Variants in PHTF2 observed in about 807,000 individuals in gnomAD.
PHTF2 encodes protein PHTF2.
PHTF2 carries 60 observed loss-of-function variants against 101.2 expected under a neutral mutation model. That is an observed-to-expected ratio of 0.59 (90% CI 0.48 to 0.73). The LOEUF is 0.73. PHTF2 is among the 30% of genes least tolerant of loss of function. PHTF2 has a pLI of 0.00. For synonymous variants in PHTF2, 311 were observed against 307.3 expected (o/e 1.01, Z -0.13); for missense variants, 747 against 908.7 (o/e 0.82, Z 2.29).
intron 1 of PHTF2, among the ~76,000 whole-genome samples, chr7:77,819,669 A>C (rs961131190): frequency 4.6e-5 from 7 of 152,158 alleles, no homozygotes; most frequent in Admixed American, 3.9e-4. Context: ...GTGTATGTGC[A>C]TCGAATATAT....
chr7:77,910,316 A>G, exon 9 of PHTF2: 1 of 1,613,574 alleles, frequency 6.2e-7, no homozygotes, highest in Non-Finnish European at 8.5e-7. Context: ...GATAACACAC[A>G]AGAGGGAGCA....
chr7:77,897,390 A>G (rs986959005), intron 5 of PHTF2, among the ~76,000 whole-genome samples: 4 of 147,240 alleles, frequency 2.7e-5, no homozygotes, highest in African/African-American at 7.5e-5. Context: ...TCATTTCACT[A>G]TAGGAACATA....
intron 3 of PHTF2, among the ~76,000 whole-genome samples, chr7:77,877,685 T>C (rs1230307469): frequency 2.6e-5 from 4 of 152,150 alleles, no homozygotes. Context: ...ACCACCATGG[T>C]GTTCTGCTTC....
intron 1 of PHTF2, among the ~76,000 whole-genome samples, chr7:77,817,338 C>T (rs574333926): frequency 4.5e-4 from 68 of 152,244 alleles, no homozygotes; most frequent in African/African-American, 1.5e-3. Context: ...CGTTCTCACG[C>T]TGCTAATAAA....
chr7:77,915,979 C>CTGTGTGTGTGTGTG (rs34376513), intron 9 of PHTF2, among the ~76,000 whole-genome samples: 1 of 147,832 alleles, frequency 6.8e-6, no homozygotes, highest in South Asian at 2.2e-4. Context: ...ATTTGTGTGT[C>CTGTGTGTGTGTGTG]TGTGTGTGTG....
chr7:77,850,708 A>G (rs939990321), intron 2 of PHTF2, among the ~76,000 whole-genome samples: 1 of 152,076 alleles, frequency 6.6e-6, no homozygotes, highest in Non-Finnish European at 1.5e-5. Flanking sequence ...TTGGGGGGAA[A>G]AAAACAAAAT....
exon 20 of PHTF2, chr7:77,957,325 A>C (rs1028404356): frequency 1.3e-5 from 2 of 152,076 alleles, no homozygotes; most frequent in Non-Finnish European, 2.9e-5. Flanking sequence ...AGTGAAAATA[A>C]ATTTTTTATA....
chr7:77,904,705 CT>C (rs1223835267), intron 7 of PHTF2, among the ~76,000 whole-genome samples: 3 of 152,222 alleles, frequency 2.0e-5, no homozygotes, highest in Non-Finnish European at 4.4e-5. Context: ...AGTTTAAGGC[CT>C]TACACTTACG....
intron 3 of PHTF2, among the ~76,000 whole-genome samples, chr7:77,863,733 A>G (rs1409283387): frequency 5.3e-5 from 8 of 151,894 alleles, no homozygotes; most frequent in Non-Finnish European, 1.0e-4. Context: ...ATGTTTAAAT[A>G]ACATTTATGA....
chr7:77,811,530 A>G (rs907185732), intron 1 of PHTF2, among the ~76,000 whole-genome samples: 1 of 152,124 alleles, frequency 6.6e-6, no homozygotes, highest in Non-Finnish European at 1.5e-5. Flanking sequence ...TAATTTTGTA[A>G]TTTCTTTTAT....
intron 3 of PHTF2, among the ~76,000 whole-genome samples, chr7:77,858,968 T>A (rs926605324): frequency 6.6e-6 from 1 of 152,162 alleles, no homozygotes; most frequent in Non-Finnish European, 1.5e-5. Flanking sequence ...AATCAAGGTG[T>A]CAGCAAGGAT....
chr7:77,943,424 A>G lies in PHTF2; in HGVS notation c.1959+638A>G, dbSNP rs1365082164. Among the ~76,000 whole-genome samples, 4 of 151,940 alleles carry G rather than the reference A, an allele frequency of 2.6e-5. No homozygotes were observed. The East Asian group carries it at 7.8e-4, about 30-fold the overall frequency. ...TTACAGGCGTGAGCCACAGCGCCCG[A>G]CCTATTCTTTCATTTTTTATACCTG... On this transcript the variant is annotated intron_variant, in intron 16 of 19. Transcript: ENST00000416283.
At chr7:77,830,177 G>A (rs1268377313) in intron 1 of PHTF2, among the ~76,000 whole-genome samples, 1 of 152,172 alleles carries the variant, frequency 6.6e-6, no homozygotes, top group Non-Finnish European at 1.5e-5. Flanking sequence ...GTACACTAAA[G>A]TCTATATAAA....
At chr7:77,893,562 A>G in intron 3 of PHTF2, 46 bp from the exon 3 acceptor site, 2 of 771,098 alleles carry the variant, frequency 2.6e-6, no homozygotes, top group East Asian at 2.6e-5. Context: ...TACCTATTTG[A>G]TGGGTACCAG....
chr7:77,911,679 C>T (rs536615197), intron 9 of PHTF2, among the ~76,000 whole-genome samples: 38 of 152,262 alleles, frequency 2.5e-4, no homozygotes, highest in Admixed American at 2.0e-3. Context: ...GGCATATTTT[C>T]GTTGATTGTA....
chr7:77,848,423 T>G (rs1039497383), intron 2 of PHTF2, among the ~76,000 whole-genome samples: 2 of 152,216 alleles, frequency 1.3e-5, no homozygotes, highest in African/African-American at 4.8e-5. Context: ...AGATGATATC[T>G]CACTGTAGTT....
chr7:77,869,942 TG>T (rs1798385800), intron 3 of PHTF2, among the ~76,000 whole-genome samples: 1 of 152,126 alleles, frequency 6.6e-6, no homozygotes, highest in African/African-American at 2.4e-5. Flanking sequence ...TTGGATTATT[TG>T]TTTTTTTGCT....
chr7:77,821,425 T>G (rs1245202859), intron 1 of PHTF2, among the ~76,000 whole-genome samples: 2 of 152,142 alleles, frequency 1.3e-5, no homozygotes, highest in Non-Finnish European at 2.9e-5. Context: ...TAAATATGTT[T>G]CCTTACCTTT....
chr7:77,844,203 A>G (rs566990952), intron 2 of PHTF2, among the ~76,000 whole-genome samples: 155 of 152,282 alleles, frequency 1.0e-3, no homozygotes, highest in African/African-American at 3.5e-3. Context: ...CATGTTTCCC[A>G]GGCTGGTCTC....
Sources: gnomAD v4.1 joint callset for allele counts (sites outside exome capture counted in the v4.1 genomes callset) on GRCh38, gnomAD v4.1.1 for gene constraint, MANE v1.5 for transcripts, NCBI Gene and HGNC (gene_info 2026-07-23, HGNC 2026-07-21) for gene names.